Variants in ATP7B observed in about 807,000 individuals in gnomAD.
ATP7B encodes the protein copper-transporting ATPase 2.
A neutral mutation model predicts 118.9 loss-of-function variants in ATP7B; 113 were observed. The observed-to-expected ratio is 0.95, with a 90% confidence interval of 0.82 to 1.11. The LOEUF (loss-of-function observed/expected upper bound fraction) is 1.11. ATP7B is among the 50% of genes most tolerant of loss of function. The probability of loss-of-function intolerance (pLI) is 0.00; values close to 1 mark genes in which losing one functional copy is unlikely to be tolerated. For synonymous variants in ATP7B, 777 were observed against 727.4 expected (o/e 1.07, Z -1.10); for missense variants, 1,867 against 1,871.4 (o/e 1.00, Z 0.04).
chr13:51,963,490 C>T (rs1330554931), intron 5 of ATP7B, among the ~76,000 whole-genome samples: 1 of 151,948 alleles, frequency 6.6e-6, no homozygotes, highest in Non-Finnish European at 1.5e-5. Context: ...AATCCCACCA[C>T]TTTGGGAGGC....
At chr13:51,939,519 T>C (rs566282360) in intron 16 of ATP7B, among the ~76,000 whole-genome samples, 13 of 152,332 alleles carry the variant, frequency 8.5e-5, no homozygotes, top group African/African-American at 3.1e-4. Context: ...TGGCTTGTAA[T>C]AAGAATTCAA....
At chr13:51,937,434 T>C (rs759073569) in intron 18 of ATP7B, 41 bp from the exon 19 acceptor site, 6 of 1,614,004 alleles carry the variant, frequency 3.7e-6, no homozygotes, top group East Asian at 2.2e-5. Flanking sequence ...GGTCTGCCCA[T>C]TGCCCTCCCA....
chr13:51,949,179 C>CAAAT (rs544350693), intron 12 of ATP7B, among the ~76,000 whole-genome samples: 7 of 152,098 alleles, frequency 4.6e-5, no homozygotes, highest in Non-Finnish European at 7.4e-5. Flanking sequence ...GACTCCATCT[C>CAAAT]AAATAAATAA....
intron 1 of ATP7B, among the ~76,000 whole-genome samples, chr13:51,982,535 C>T (rs1469089592): frequency 6.6e-6 from 1 of 152,186 alleles, no homozygotes; most frequent in East Asian, 1.9e-4. Flanking sequence ...AAAGCTCCGG[C>T]TGGCATCTGG....
At chr13:51,963,800 A>G (rs1219425142) in intron 5 of ATP7B, among the ~76,000 whole-genome samples, 3 of 151,244 alleles carry the variant, frequency 2.0e-5, no homozygotes, top group Admixed American at 6.6e-5. Flanking sequence ...CTGTAATCCT[A>G]GCACTTTGGG....
intron 1 of ATP7B, among the ~76,000 whole-genome samples, chr13:51,977,231 ATT>A (rs56182396): frequency 1.4e-5 from 2 of 147,102 alleles, no homozygotes; most frequent in Non-Finnish European, 3.0e-5. Context: ...TAAACGTTTA[ATT>A]TTTTTTTTTT....
chr13:51,958,768 T>C, intron 7 of ATP7B: 1 of 582,618 alleles, frequency 1.7e-6, no homozygotes, highest in Non-Finnish European at 3.1e-6. Context: ...TAAAACCCAG[T>C]GCTTACAACA....
At chr13:51,969,357 C>T (rs1251685676) in intron 3 of ATP7B, among the ~76,000 whole-genome samples, 2 of 151,996 alleles carry the variant, frequency 1.3e-5, no homozygotes, top group East Asian at 3.9e-4. Flanking sequence ...GACACATTCT[C>T]ACTCAGGCTT....
In ATP7B at chr13:51,932,965, G is replaced by A. The variant is rs1956782925; in HGVS notation, c.*1791C>T. 6.6e-6 allele frequency: 1 copy of A among 152,174 alleles called. No homozygotes were observed. The highest frequency in any genetic ancestry group is 2.4e-5 in the African/African-American group (1 of 41,418). 9.4% of individuals were successfully genotyped at this position (152,174 alleles called of 1,614,324 possible). On this transcript the variant is annotated 3_prime_UTR_variant, in exon 21 of 21. Coordinates refer to ENST00000242839, the MANE Select transcript of ATP7B (RefSeq NM_000053.4). Reference sequence around the variant, plus strand: ...TGACGGACAGCGGAAATGTGCTGCGGGCTGGAGTGGGGGGGCTGAAAACAA... The same window carrying A: ...TGACGGACAGCGGAAATGTGCTGCGAGCTGGAGTGGGGGGGCTGAAAACAA...
intron 1 of ATP7B, 41 bp downstream of exon 1, chr13:52,011,244 TGG>T: frequency 6.2e-7 from 1 of 1,613,956 alleles, no homozygotes; most frequent in Non-Finnish European, 8.5e-7. Context: ...ATCCTCCTGG[TGG>T]GAGTGAGCAC....
chr13:52,000,871 T>C (rs541394584), intron 1 of ATP7B, among the ~76,000 whole-genome samples: 51 of 152,060 alleles, frequency 3.4e-4, no homozygotes, highest in African/African-American at 1.2e-3. Flanking sequence ...AAATAAAAAA[T>C]TAGCTGGGCA....
chr13:51,975,297 C>T (rs1388294887), intron 1 of ATP7B, 129 bp from the exon 2 acceptor site: 10 of 1,243,452 alleles, frequency 8.0e-6, no homozygotes, highest in African/African-American at 4.4e-5. Flanking sequence ...GGTAGAAGAA[C>T]ATAACATACA....
intron 17 of ATP7B, among the ~76,000 whole-genome samples, chr13:51,938,132 T>C (rs9535796): frequency 0.55 from 84,064 of 152,040 alleles, 23,429 homozygotes; most frequent in Middle Eastern, 0.63. Flanking sequence ...GTGCCACACT[T>C]GACCATACCA....
At chr13:51,944,357 T>C (rs1389687752) in intron 13 of ATP7B, 66 bp from the exon 14 acceptor site, 102 of 1,595,152 alleles carry the variant, frequency 6.4e-5, no homozygotes, top group South Asian at 2.5e-4. Context: ...GTCACACTCC[T>C]GAGGCAGAAC....
chr13:52,011,642 G>A (rs1221097278), upstream of ATP7B: 2 of 545,530 alleles, frequency 3.7e-6, no homozygotes, highest in South Asian at 2.0e-5. Context: ...TCCCCAGGTG[G>A]CTGGGAGTGC....
chr13:51,966,469 C>T (rs1310080590), intron 4 of ATP7B, among the ~76,000 whole-genome samples: 5 of 152,166 alleles, frequency 3.3e-5, no homozygotes, highest in African/African-American at 1.2e-4. Flanking sequence ...TGTATCCTGA[C>T]ATGGGAAAGG....
At chr13:51,963,650 C>G (rs945471865) in intron 5 of ATP7B, among the ~76,000 whole-genome samples, 12 of 149,924 alleles carry the variant, frequency 8.0e-5, no homozygotes, top group African/African-American at 3.0e-4. Flanking sequence ...GCAGGAGAAT[C>G]GCTTGATCCC....
chr13:51,937,511 C>A lies in ATP7B; in HGVS notation c.3868G>T (p.Val1290Leu). The A allele has an allele frequency of 6.2e-7, 1 of 1,614,186 alleles. No individual in the cohort carries two copies. Among genetic ancestry groups the A allele is most frequent in the Non-Finnish European group, 8.5e-7 (1 of 1,180,034 alleles). Residue 1290 changes from valine (V) to leucine (L), a missense_variant, in exon 18 of 21, where the codon GTG becomes TTG. Transcript: ENST00000242839. ...ACGACGTCGGCTGCCTCGATGGCCACATCCGTGCCGGTGCCAATGGCCACA... is the reference window on the plus strand; with the variant it reads ...ACGACGTCGGCTGCCTCGATGGCCAAATCCGTGCCGGTGCCAATGGCCACA... ...MGVAIGTGTD[V>L]AIEAADVVLI...
intron 1 of ATP7B, among the ~76,000 whole-genome samples, chr13:52,003,637 A>T (rs2140567499): frequency 6.6e-6 from 1 of 152,022 alleles, no homozygotes; most frequent in Non-Finnish European, 1.5e-5. Context: ...AAAAAAAAAA[A>T]ATACAGCATC....
Sources: allele counts gnomAD v4.1 joint callset (sites outside exome capture counted in the v4.1 genomes callset), GRCh38; gene constraint gnomAD v4.1.1; transcripts MANE v1.5; gene names NCBI Gene and HGNC (gene_info 2026-07-23, HGNC 2026-07-21).